The following DAB1 variants were observed in gnomAD, a reference collection of about 807,000 sequenced individuals.
DAB1 encodes DAB adaptor protein 1, also known as disabled homolog 1.
A neutral mutation model predicts 64.6 loss-of-function variants in DAB1; 15 were observed. The observed-to-expected ratio is 0.23, with a 90% CI of 0.16 to 0.36. The LOEUF is 0.36. Ranked by LOEUF, DAB1 falls within the 10% of genes least tolerant of loss-of-function variation. The probability of loss-of-function intolerance (pLI) is 1.00; values close to 1 mark genes in which losing one functional copy is unlikely to be tolerated. For synonymous variants in DAB1, 235 were observed against 251.9 expected (o/e 0.93, Z 0.64); for missense variants, 596 against 706.7 (o/e 0.84, Z 1.78).
At chr1:58,546,635 T>G (rs1646712094) in intron 1 of DAB1, 1 of 146,752 alleles carries the variant, frequency 6.8e-6, no homozygotes, top group Non-Finnish European at 1.5e-5. Flanking sequence ...ACTGCCGCAC[T>G]CTGCCTCCTC....
chr1:58,367,729 C>T (rs1483676083), intron 3 of DAB1, among the ~76,000 whole-genome samples: 4 of 152,152 alleles, frequency 2.6e-5, no homozygotes, highest in African/African-American at 9.7e-5. Flanking sequence ...ATGACATCCT[C>T]CATAATGTGA....
intron 3 of DAB1, among the ~76,000 whole-genome samples, chr1:58,363,586 T>C (rs1200259785): frequency 1.3e-5 from 2 of 152,236 alleles, no homozygotes; most frequent in Non-Finnish European, 2.9e-5. Flanking sequence ...TGCCTTTTTT[T>C]CCCTTCCTTC....
intron 1 of DAB1, among the ~76,000 whole-genome samples, chr1:57,854,578 T>C (rs1374361106): frequency 2.0e-5 from 3 of 152,214 alleles, no homozygotes; most frequent in Non-Finnish European, 4.4e-5. Flanking sequence ...ATGAACACGA[T>C]AATCTTGGAT....
intron 4 of DAB1, among the ~76,000 whole-genome samples, chr1:58,338,705 A>G (rs1318981955): frequency 1.3e-5 from 2 of 152,218 alleles, no homozygotes; most frequent in Non-Finnish European, 2.9e-5. Context: ...ACACTTGCAC[A>G]GGAATGTTCA....
At chr1:58,118,503 T>TATATATATATACATACAC (rs1341446315) in intron 5 of DAB1, among the ~76,000 whole-genome samples, 1 of 53,126 alleles carries the variant, frequency 1.9e-5, no homozygotes, top group East Asian at 1.3e-3. Context: ...TATATATATA[T>TATATATATATACATACAC]ACACACACAC....
intron 5 of DAB1, among the ~76,000 whole-genome samples, chr1:57,936,696 A>T (rs10158512): frequency 0.39 from 57,653 of 148,248 alleles, 11,870 homozygotes; most frequent in Admixed American, 0.49. Flanking sequence ...TTATTTATTT[A>T]TTTTTTTTAG....
chr1:57,962,598 G>T (rs1414742148), intron 5 of DAB1, among the ~76,000 whole-genome samples: 1 of 152,202 alleles, frequency 6.6e-6, no homozygotes, highest in African/African-American at 2.4e-5. Context: ...GAGGCCAGGT[G>T]TGGTGGCTTG....
intron 6 of DAB1, among the ~76,000 whole-genome samples, chr1:57,790,869 T>C (rs1650563911): frequency 6.6e-6 from 1 of 152,160 alleles, no homozygotes; most frequent in African/African-American, 2.4e-5. Flanking sequence ...CCTGGTGCAT[T>C]ACTACACACA....
rs1233883609 is a variant in DAB1 at position 57,595,344 on chromosome 1, GC to G, written n.625+54247del. ...GAAAAGTCATTGTGAAAGGATATCA[GC>G]TTTTTTGGGCCCCCAAATCTCTCAA... On this transcript the variant is annotated intron_variant and non_coding_transcript_variant, in intron 7 of 20. Transcript: ENST00000485760. 1.8e-4 allele frequency among the ~76,000 whole-genome samples: 27 copies of G among 152,044 alleles called. No individual in the cohort carries two copies. The Middle Eastern group carries it at 0.01, about 57-fold the overall frequency.
At chr1:57,509,792 A>C (rs1644386810) in intron 7 of DAB1, among the ~76,000 whole-genome samples, 1 of 152,082 alleles carries the variant, frequency 6.6e-6, no homozygotes, top group Non-Finnish European at 1.5e-5. Flanking sequence ...AGTTCTTTAC[A>C]CATAATCTCT....
chr1:57,410,815 A>G (rs1479624153), intron 1 of DAB1, among the ~76,000 whole-genome samples: 1 of 152,208 alleles, frequency 6.6e-6, no homozygotes, highest in Non-Finnish European at 1.5e-5. Context: ...ATCTTGTTTT[A>G]TATGAGACGT....
Position 58,267,794 on chromosome 1 carries a change from G to T in DAB1, n.309+75558C>A, listed in dbSNP as rs189305613. On this transcript the variant is annotated intron_variant and non_coding_transcript_variant, in intron 4 of 20. Coordinates refer to the DAB1 transcript ENST00000485760. ...TCATTCCTAAAACCCTCTTCGAAAA[G>T]TTCTTGCTTCCATGCATTAATATCT... is the stretch of plus-strand genomic sequence containing the variant. Among the ~76,000 whole-genome samples, 224 of 152,198 alleles carry T rather than the reference G, an allele frequency of 1.5e-3. 1 individual carries two copies. The highest frequency in any genetic ancestry group is 2.9e-3 in the Non-Finnish European group (196 of 68,002).
intron 9 of DAB1, among the ~76,000 whole-genome samples, chr1:57,040,014 T>C (rs564879198): frequency 1.3e-5 from 2 of 152,322 alleles, no homozygotes; most frequent in Non-Finnish European, 2.9e-5. Flanking sequence ...CAAAGTCTTC[T>C]ACCACATGAA....
chr1:57,393,439 T>C (rs532145991), intron 1 of DAB1, among the ~76,000 whole-genome samples: 226 of 152,176 alleles, frequency 1.5e-3, no homozygotes, highest in Middle Eastern at 3.4e-3. Flanking sequence ...ATGCCTGTAA[T>C]CGTAGCACTT....
chr1:57,942,801 C>T (rs1169369036), intron 5 of DAB1, among the ~76,000 whole-genome samples: 2 of 152,130 alleles, frequency 1.3e-5, no homozygotes, highest in South Asian at 4.2e-4. Flanking sequence ...TGCCTGCTCA[C>T]TCTGGTTAGG....
chr1:57,315,313 T>C (rs267642), intron 1 of DAB1, among the ~76,000 whole-genome samples: 1 of 152,144 alleles, frequency 6.6e-6, no homozygotes, highest in Non-Finnish European at 1.5e-5. Flanking sequence ...GTTTGCTCAT[T>C]GTCTATCTTA....
intron 5 of DAB1, among the ~76,000 whole-genome samples, chr1:57,910,528 T>C (rs1488050922): frequency 6.6e-6 from 1 of 152,170 alleles, no homozygotes; most frequent in African/African-American, 2.4e-5. Context: ...GTGTGCTGCA[T>C]GTAAGTGATC....
At chr1:57,725,803 G>A (rs1175098454) in intron 6 of DAB1, among the ~76,000 whole-genome samples, 1 of 151,754 alleles carries the variant, frequency 6.6e-6, no homozygotes, top group African/African-American at 2.4e-5. Flanking sequence ...CTAGGCTGGA[G>A]TGCGGTGGCG....
intron 2 of DAB1, among the ~76,000 whole-genome samples, chr1:57,241,826 T>A (rs1171682389): frequency 6.6e-6 from 1 of 152,136 alleles, no homozygotes. Flanking sequence ...CTTCAAACAC[T>A]TATCGTTCAT....
Sources: allele counts gnomAD v4.1 joint callset (sites outside exome capture counted in the v4.1 genomes callset), GRCh38; gene constraint gnomAD v4.1.1; transcripts MANE v1.5; gene names NCBI Gene and HGNC (gene_info 2026-07-23, HGNC 2026-07-21).